The following ZNF385D variants were observed in gnomAD, a reference collection of about 807,000 sequenced individuals.
ZNF385D encodes zinc finger protein 659.
A neutral mutation model predicts 35.8 loss-of-function variants in ZNF385D; 15 were observed. That is an observed-to-expected ratio of 0.42 (90% CI 0.28 to 0.64). The LOEUF (loss-of-function observed/expected upper bound fraction) is 0.64, where lower values mean the gene tolerates loss of function less well. Ranked by LOEUF, ZNF385D falls within the 30% of genes least tolerant of loss-of-function variation. The pLI, the probability that ZNF385D is intolerant of heterozygous loss-of-function variation, is 0.23. For missense variants in ZNF385D, 474 were observed against 494.6 expected (o/e 0.96, Z 0.39); for synonymous variants, 212 against 186.8 (o/e 1.13, Z -1.10).
intron 3 of ZNF385D, among the ~76,000 whole-genome samples, chr3:21,868,866 G>A (rs897853791): frequency 4.6e-5 from 7 of 152,024 alleles, no homozygotes; most frequent in Non-Finnish European, 7.4e-5. Context: ...TTATCCATCT[G>A]TTACATGGAC....
intron 2 of ZNF385D, among the ~76,000 whole-genome samples, chr3:21,629,642 A>G (rs925519575): frequency 6.6e-6 from 1 of 152,144 alleles, no homozygotes; most frequent in Admixed American, 6.6e-5. Context: ...CTTCTAGGAA[A>G]GGTGGCCTCA....
At chr3:21,792,479 A>G (rs147186240) in intron 3 of ZNF385D, among the ~76,000 whole-genome samples, 1 of 152,220 alleles carries the variant, frequency 6.6e-6, no homozygotes, top group Non-Finnish European at 1.5e-5. Context: ...CTACAATGGC[A>G]CAGTTGAGTA....
chr3:22,356,351 C>A (rs1202320516), intron 2 of ZNF385D, among the ~76,000 whole-genome samples: 10 of 151,908 alleles, frequency 6.6e-5, no homozygotes, highest in Admixed American at 6.6e-4. Flanking sequence ...CAAGTATTAT[C>A]TTTGTATGAT....
chr3:22,367,914 G>T (rs982374914), intron 2 of ZNF385D, among the ~76,000 whole-genome samples: 1 of 152,116 alleles, frequency 6.6e-6, no homozygotes, highest in Non-Finnish European at 1.5e-5. Context: ...GCATAATAAC[G>T]CATTTTATTC....
At chr3:22,098,134 T>C (rs555418897) in intron 3 of ZNF385D, among the ~76,000 whole-genome samples, 54 of 152,154 alleles carry the variant, frequency 3.5e-4, no homozygotes, top group Non-Finnish European at 6.2e-4. Flanking sequence ...AATAGAATTT[T>C]CTCCTAGCTT....
At chr3:22,187,282 A>G (rs1695701854) in intron 2 of ZNF385D, among the ~76,000 whole-genome samples, 1 of 152,230 alleles carries the variant, frequency 6.6e-6, no homozygotes, top group African/African-American at 2.4e-5. Context: ...TATTAAAATA[A>G]GAGTGCTAAA....
intron 2 of ZNF385D, among the ~76,000 whole-genome samples, chr3:22,273,810 C>G (rs1450991800): frequency 6.6e-6 from 1 of 151,896 alleles, no homozygotes; most frequent in African/African-American, 2.4e-5. Context: ...TCTACTGGAC[C>G]AGCAGAGGTT....
intron 2 of ZNF385D, among the ~76,000 whole-genome samples, chr3:22,259,906 G>C (rs1184161388): frequency 6.6e-6 from 1 of 151,620 alleles, no homozygotes; most frequent in African/African-American, 2.4e-5. Flanking sequence ...CTCTGAAAGA[G>C]ACCATCAACC....
chr3:21,756,728 CAT>C (rs757099099), intron 3 of ZNF385D, among the ~76,000 whole-genome samples: 1 of 152,126 alleles, frequency 6.6e-6, no homozygotes, highest in Non-Finnish European at 1.5e-5. Flanking sequence ...CTTTTGAATG[CAT>C]ATGTGTTGAC....
intron 1 of ZNF385D, among the ~76,000 whole-genome samples, chr3:21,745,791 C>T (rs902239785): frequency 6.6e-5 from 10 of 152,140 alleles, no homozygotes; most frequent in Admixed American, 6.6e-4. Flanking sequence ...TAGGCTTCTG[C>T]TTATACAAGC....
chr3:22,203,449 G>C (rs549168548), intron 2 of ZNF385D, among the ~76,000 whole-genome samples: 25 of 152,228 alleles, frequency 1.6e-4, no homozygotes, highest in Admixed American at 3.3e-4. Context: ...TACAAGGAGA[G>C]ATCCCTTCTT....
At chr3:22,097,932 C>T (rs1301412594) in intron 3 of ZNF385D, among the ~76,000 whole-genome samples, 5 of 152,008 alleles carry the variant, frequency 3.3e-5, no homozygotes, top group African/African-American at 4.8e-5. Flanking sequence ...TTGTCATTTA[C>T]AACTCATGTG....
intron 2 of ZNF385D, among the ~76,000 whole-genome samples, chr3:21,621,098 A>G (rs1006919654): frequency 3.3e-5 from 5 of 152,116 alleles, no homozygotes; most frequent in African/African-American, 1.2e-4. Flanking sequence ...TGCTACTTAC[A>G]ATGATGTTAA....
intron 3 of ZNF385D, among the ~76,000 whole-genome samples, chr3:22,117,900 T>A (rs985159434): frequency 3.3e-5 from 5 of 152,060 alleles, no homozygotes; most frequent in African/African-American, 1.2e-4. Flanking sequence ...CGTAATTTCA[T>A]GTGGCACAAT....
intron 3 of ZNF385D, among the ~76,000 whole-genome samples, chr3:21,763,677 C>G (rs376171903): frequency 6.6e-6 from 1 of 152,088 alleles, no homozygotes; most frequent in Non-Finnish European, 1.5e-5. Flanking sequence ...TAAATAAAAT[C>G]ATACTCTCTG....
At chr3:22,227,418 G>T (rs1698626896) in intron 2 of ZNF385D, among the ~76,000 whole-genome samples, 1 of 152,158 alleles carries the variant, frequency 6.6e-6, no homozygotes, top group South Asian at 2.1e-4. Flanking sequence ...TATGGAGGAA[G>T]GAATGCTTCC....
intron 3 of ZNF385D, among the ~76,000 whole-genome samples, chr3:21,917,300 G>A (rs7646975): frequency 6.6e-6 from 1 of 151,840 alleles, no homozygotes; most frequent in South Asian, 2.1e-4. Flanking sequence ...GATGTGGTGC[G>A]GCACTCCTGT....
At chr3:22,358,977 G>C (rs1161686600) in intron 2 of ZNF385D, among the ~76,000 whole-genome samples, 3 of 150,824 alleles carry the variant, frequency 2.0e-5, no homozygotes, top group Admixed American at 2.0e-4. Flanking sequence ...CCAGTACCAA[G>C]GAAATTCAAG....
At chr3:22,152,058 G>C (rs1705274468) in intron 3 of ZNF385D, among the ~76,000 whole-genome samples, 1 of 152,002 alleles carries the variant, frequency 6.6e-6, no homozygotes, top group Non-Finnish European at 1.5e-5. Context: ...CTTTGCGTCT[G>C]TGTGTTCTCA....
Sources: allele counts gnomAD v4.1 joint callset (sites outside exome capture counted in the v4.1 genomes callset), GRCh38; gene constraint gnomAD v4.1.1; transcripts MANE v1.5; gene names NCBI Gene and HGNC (gene_info 2026-07-23, HGNC 2026-07-21).